The following FBXL7 variants were observed in gnomAD, a reference collection of about 807,000 sequenced individuals.
FBXL7 encodes F-box/LRR-repeat protein 7.
FBXL7 carries 12 observed loss-of-function variants against 38.3 expected under a neutral mutation model. The observed-to-expected ratio is 0.31, with a 90% CI of 0.20 to 0.51. The LOEUF is 0.51. Ranked by LOEUF, FBXL7 falls within the 20% of genes least tolerant of loss-of-function variation. The pLI is 0.98. For missense variants in FBXL7, 567 were observed against 676.4 expected (o/e 0.84, Z 1.79); for synonymous variants, 297 against 300.9 (o/e 0.99, Z 0.13).
chr5:15,922,677 C>A (rs1211930585), intron 2 of FBXL7, among the ~76,000 whole-genome samples: 1 of 152,154 alleles, frequency 6.6e-6, no homozygotes, highest in East Asian at 1.9e-4. Flanking sequence ...TCTCCCTGTT[C>A]AGAATAATTC....
intron 2 of FBXL7, among the ~76,000 whole-genome samples, chr5:15,758,325 T>TA (rs1736353695): frequency 6.6e-6 from 1 of 151,838 alleles, no homozygotes; most frequent in African/African-American, 2.4e-5. Context: ...TTTTTTTTTT[T>TA]AATTTTAGAA....
chr5:15,925,893 C>T (rs969015414), intron 2 of FBXL7, among the ~76,000 whole-genome samples: 7 of 152,072 alleles, frequency 4.6e-5, no homozygotes, highest in Non-Finnish European at 1.0e-4. Flanking sequence ...ACTTTGAGTA[C>T]CCATACAACC....
chr5:15,750,440 C>G (rs985858535), intron 2 of FBXL7, among the ~76,000 whole-genome samples: 2 of 152,272 alleles, frequency 1.3e-5, no homozygotes, highest in South Asian at 2.1e-4. Flanking sequence ...ATCCTCTGAC[C>G]TTGAGTCTTT....
At chr5:15,503,749 TAATA>T (rs974485271) in intron 1 of FBXL7, among the ~76,000 whole-genome samples, 2 of 152,244 alleles carry the variant, frequency 1.3e-5, no homozygotes, top group African/African-American at 4.8e-5. Context: ...GTTTTTCTTT[TAATA>T]GATAGCTCGA....
At chr5:15,735,163 C>T (rs185004572) in intron 2 of FBXL7, among the ~76,000 whole-genome samples, 14 of 152,318 alleles carry the variant, frequency 9.2e-5, no homozygotes, top group Admixed American at 9.1e-4. Context: ...GAACTCCTGA[C>T]CTCAGGTGAT....
At chr5:15,630,391 A>AT (rs989486772) in intron 2 of FBXL7, among the ~76,000 whole-genome samples, 5 of 151,870 alleles carry the variant, frequency 3.3e-5, no homozygotes, top group Admixed American at 6.6e-5. Context: ...AGAGCTTGTG[A>AT]TTTTTTAACT....
chr5:15,572,665 G>A (rs923193890), intron 1 of FBXL7, among the ~76,000 whole-genome samples: 2 of 152,096 alleles, frequency 1.3e-5, no homozygotes, highest in Non-Finnish European at 2.9e-5. Flanking sequence ...GCTTTGATGG[G>A]GTGGAGATGG....
intron 2 of FBXL7, among the ~76,000 whole-genome samples, chr5:15,857,141 C>T (rs1467657908): frequency 6.6e-6 from 1 of 152,152 alleles, no homozygotes; most frequent in African/African-American, 2.4e-5. Context: ...GGATAGAGAT[C>T]ATTCATCCCA....
At chr5:15,564,312 T>G (rs1245807950) in intron 1 of FBXL7, among the ~76,000 whole-genome samples, 1 of 152,050 alleles carries the variant, frequency 6.6e-6, no homozygotes, top group Non-Finnish European at 1.5e-5. Context: ...ACATTTTGTT[T>G]CCAGCTTTTA....
rs183275101 is a variant in FBXL7, at chr5:15,828,359, A to T, written c.128-99531A>T. On this transcript the variant is annotated intron_variant, in intron 2 of 3. Coordinates refer to ENST00000504595, the MANE Select transcript of FBXL7 (RefSeq NM_012304.5). ...TATTTCTTTAGTATAAATATATCTC[A>T]TGCATTATTTGGGACACACTTGTAC... is the stretch of plus-strand genomic sequence containing the variant. Among the ~76,000 whole-genome samples, 395 of 152,332 alleles carry T rather than the reference A, an allele frequency of 2.6e-3. 1 individual carries two copies. The highest frequency in any genetic ancestry group is 4.5e-3 in the Non-Finnish European group (306 of 68,040).
chr5:15,603,911 TG>T (rs1462493724), intron 1 of FBXL7, among the ~76,000 whole-genome samples: 1 of 152,030 alleles, frequency 6.6e-6, no homozygotes, highest in African/African-American at 2.4e-5. Context: ...CTGAGGCGAG[TG>T]GGTCACTTGA....
intron 2 of FBXL7, among the ~76,000 whole-genome samples, chr5:15,786,460 G>A (rs1165736001): frequency 6.6e-6 from 1 of 152,094 alleles, no homozygotes; most frequent in Admixed American, 6.5e-5. Flanking sequence ...TTCATTGCCT[G>A]TTTCCTGGCA....
At chr5:15,874,207 CAA>C (rs1001773950) in intron 2 of FBXL7, among the ~76,000 whole-genome samples, 8 of 152,244 alleles carry the variant, frequency 5.3e-5, no homozygotes, top group Middle Eastern at 3.4e-3. Context: ...AAGCCTTTGA[CAA>C]AATTCAACAG....
At chr5:15,814,425 TG>T (rs1229477156) in intron 2 of FBXL7, among the ~76,000 whole-genome samples, 1 of 151,908 alleles carries the variant, frequency 6.6e-6, no homozygotes, top group African/African-American at 2.4e-5. Context: ...TGGGGCCTGT[TG>T]GGGTTGGAGG....
At chr5:15,832,716 C>T (rs933300225) in intron 2 of FBXL7, among the ~76,000 whole-genome samples, 1 of 152,196 alleles carries the variant, frequency 6.6e-6, no homozygotes, top group African/African-American at 2.4e-5. Flanking sequence ...CAGAGGGCTT[C>T]ATTCTGCAGG....
intron 2 of FBXL7, among the ~76,000 whole-genome samples, chr5:15,870,639 T>G (rs1739914321): frequency 6.6e-6 from 1 of 152,248 alleles, no homozygotes; most frequent in Non-Finnish European, 1.5e-5. Flanking sequence ...TATCACATTT[T>G]TATTATGTAG....
At chr5:15,641,986 T>C (rs940391533) in intron 2 of FBXL7, among the ~76,000 whole-genome samples, 4 of 141,242 alleles carry the variant, frequency 2.8e-5, no homozygotes, top group African/African-American at 1.0e-4. Flanking sequence ...TGTGTGTGTG[T>C]CCTATTGGTT....
intron 1 of FBXL7, among the ~76,000 whole-genome samples, chr5:15,508,208 T>A (rs1331570467): frequency 6.6e-6 from 1 of 152,160 alleles, no homozygotes; most frequent in Non-Finnish European, 1.5e-5. Flanking sequence ...GTACTGAATA[T>A]CTTCTGTAAT....
chr5:15,932,590 T>TGAA (rs1742065133), intron 3 of FBXL7, among the ~76,000 whole-genome samples: 1 of 152,194 alleles, frequency 6.6e-6, no homozygotes, highest in African/African-American at 2.4e-5. Flanking sequence ...AATTCTTGCC[T>TGAA]TGGTTTTGAC....
Sources: allele counts gnomAD v4.1 joint callset (sites outside exome capture counted in the v4.1 genomes callset), GRCh38; gene constraint gnomAD v4.1.1; transcripts MANE v1.5; gene names NCBI Gene and HGNC (gene_info 2026-07-23, HGNC 2026-07-21).